MBP: variants seen among roughly 807,000 people sequenced by gnomAD.
The protein encoded by MBP is Golli-MBP.
MBP carries 16 observed loss-of-function variants against 35.8 expected under a neutral mutation model. The observed-to-expected ratio is 0.45, with a 90% CI of 0.30 to 0.68. The LOEUF (loss-of-function observed/expected upper bound fraction) is 0.68, where lower values mean the gene tolerates loss of function less well. Ranked by LOEUF, MBP falls within the 30% of genes least tolerant of loss-of-function variation. The pLI is 0.08. For missense variants in MBP, 380 were observed against 404.7 expected, an observed-to-expected ratio of 0.94 and a Z score of 0.52; for synonymous variants, 143 against 159.6, an observed-to-expected ratio of 0.90 and a Z score of 0.78.
chr18:76,997,275 A>C (rs1373164550), intron 4 of MBP, among the ~76,000 whole-genome samples: 1 of 152,236 alleles, frequency 6.6e-6, no homozygotes, highest in Non-Finnish European at 1.5e-5. Flanking sequence ...GAGGAACAAA[A>C]GCCTTCCATG....
intron 2 of MBP, among the ~76,000 whole-genome samples, chr18:77,082,245 A>C (rs1241254500): frequency 6.6e-6 from 1 of 152,200 alleles, no homozygotes; most frequent in Non-Finnish European, 1.5e-5. Context: ...ATAGTCCTAC[A>C]GTGGGATATT....
At chr18:77,043,687 G>T (rs1042634246) in intron 3 of MBP, among the ~76,000 whole-genome samples, 2 of 152,208 alleles carry the variant, frequency 1.3e-5, no homozygotes, top group African/African-American at 4.8e-5. Flanking sequence ...CTTTGAACTT[G>T]CGTGCGTGCC....
chr18:77,062,721 G>C (rs1326042669), intron 3 of MBP, among the ~76,000 whole-genome samples: 1 of 152,172 alleles, frequency 6.6e-6, no homozygotes. Flanking sequence ...TTGTGGTTTT[G>C]AGCACTCAAT....
intron 2 of MBP, chr18:77,068,980 G>C (rs1443356916): frequency 4.2e-6 from 2 of 477,176 alleles, no homozygotes; most frequent in Middle Eastern, 3.2e-4. Flanking sequence ...CCTCACCTCG[G>C]GGCCTCTGAC....
chr18:76,986,277 A>G, intron 7 of MBP: 1 of 985,562 alleles, frequency 1.0e-6, no homozygotes, highest in Non-Finnish European at 1.2e-6. Flanking sequence ...GACTTGAGGG[A>G]ACCAAACCAG....
intron 7 of MBP, chr18:76,986,228 A>C (rs1969552028): frequency 1.0e-6 from 1 of 985,346 alleles, no homozygotes; most frequent in Admixed American, 6.1e-5. Context: ...ACATTTTGCC[A>C]ACAAGAAATG....
rs938975462 is a variant in MBP, at chr18:77,049,966, C to G, written c.139+16332G>C. On this transcript the variant is annotated intron_variant, in intron 3 of 8. Coordinates refer to ENST00000355994, the MANE Select transcript of MBP (RefSeq NM_001025101.2). ...AAGTGCTAGGATTACAGGCGTGAGC[C>G]ACTGCACTCACCCCTAATGATCATT... 2.6e-5 allele frequency among the ~76,000 whole-genome samples: 4 copies of G among 152,334 alleles called. No homozygotes were observed. The East Asian group carries it at 7.7e-4, about 29-fold the overall frequency.
chr18:76,992,120 C>T lies in MBP; in HGVS notation c.577-2060G>A, dbSNP rs74423264. Among the ~76,000 whole-genome samples, 377 of 152,338 alleles carry T rather than the reference C, an allele frequency of 2.5e-3. 2 individuals carry two copies. The highest frequency in any genetic ancestry group is 8.7e-3 in the African/African-American group (363 of 41,568). The stretch of plus-strand genomic sequence containing the variant: ...CTGGCACTGGACTCTTTCCTCTGCC[C>T]TCCTTCCCTACTCGATCCTCTTCAA... On this transcript the variant is annotated intron_variant, in intron 4 of 8. Transcript: ENST00000355994.
intron 2 of MBP, among the ~76,000 whole-genome samples, chr18:77,078,849 C>A (rs912314397): frequency 6.6e-6 from 1 of 152,318 alleles, no homozygotes; most frequent in Admixed American, 6.5e-5. Flanking sequence ...TGCTCTGGTC[C>A]CTGCCTGTGA....
At chr18:77,075,146 G>A (rs1190381643) in intron 2 of MBP, among the ~76,000 whole-genome samples, 3 of 152,210 alleles carry the variant, frequency 2.0e-5, no homozygotes, top group Non-Finnish European at 2.9e-5. Context: ...TGGAATCACT[G>A]AAGTATCTAC....
chr18:77,119,600 C>A (rs1976825119), intron 1 of MBP, among the ~76,000 whole-genome samples: 1 of 151,356 alleles, frequency 6.6e-6, no homozygotes, highest in Non-Finnish European at 1.5e-5. Context: ...CCTCTTACCT[C>A]AAGCCGCGCC....
intron 4 of MBP, chr18:77,009,912 C>G: frequency 6.3e-7 from 1 of 1,588,530 alleles, no homozygotes; most frequent in Non-Finnish European, 8.6e-7. Flanking sequence ...TCCGGCCCGG[C>G]TTTAGCCAGG....
chr18:77,006,900 C>T (rs146426323), intron 4 of MBP: 88 of 152,600 alleles, frequency 5.8e-4, no homozygotes, highest in Middle Eastern at 6.6e-3. Context: ...GAGAGAGACA[C>T]GAAGAGGGAG....
rs1025334191 is a variant in MBP, at chr18:77,101,594, C to A, written c.51+3617G>T. On this transcript the variant is annotated intron_variant, in intron 2 of 8. Coordinates refer to ENST00000355994, the MANE Select transcript of MBP (RefSeq NM_001025101.2). The surrounding 1 kb of genome is among the most constrained non-coding windows in gnomAD (Gnocchi z 4.3). Reference sequence around the variant, plus strand: ...CAACTGGCCCAGGAAGGTGGCTCAACCACTTGTTACCAGGGACCTGCACCC... The same window carrying A: ...CAACTGGCCCAGGAAGGTGGCTCAAACACTTGTTACCAGGGACCTGCACCC... Among the ~76,000 whole-genome samples the A allele has an allele frequency of 6.6e-6, 1 of 152,218 alleles. No homozygotes were observed. The highest frequency in any genetic ancestry group is 2.4e-5 in the African/African-American group (1 of 41,450).
intron 1 of MBP, among the ~76,000 whole-genome samples, chr18:77,122,155 G>T (rs1176347291): frequency 6.6e-6 from 1 of 152,190 alleles, no homozygotes; most frequent in African/African-American, 2.4e-5. Flanking sequence ...TATGCAACAA[G>T]TATTAGGGAC....
intron 2 of MBP, among the ~76,000 whole-genome samples, chr18:77,097,924 C>G (rs1213998926): frequency 1.3e-5 from 2 of 151,274 alleles, no homozygotes; most frequent in Non-Finnish European, 3.0e-5. Context: ...TAAAAAAATA[C>G]AGTATTTAAA....
rs1599064240 is a variant in MBP at position 77,013,980 on chromosome 18, C to T, written c.576+2852G>A. The T allele has an allele frequency of 4.1e-6, 4 of 985,310 alleles. No individual in the cohort carries two copies. In the East Asian group the frequency reaches 4.5e-4, roughly 112 times the overall value. 61.0% of individuals were successfully genotyped at this position (985,310 alleles called of 1,614,324 possible). ...GGAGAGGTCACTTAGAGAGAAGCTG[C>T]CGGGCCAAGCACACGACAATCTTGG... On this transcript the variant is annotated intron_variant, in intron 4 of 8. Coordinates refer to ENST00000355994, the MANE Select transcript of MBP (RefSeq NM_001025101.2).
At chr18:77,090,179 T>C (rs1022582048) in intron 2 of MBP, among the ~76,000 whole-genome samples, 1 of 152,170 alleles carries the variant, frequency 6.6e-6, no homozygotes, top group Admixed American at 6.5e-5. Context: ...CTGGGGCCAG[T>C]AGTAATGTCT....
chr18:77,102,784 A>G lies in MBP; in HGVS notation c.51+2427T>C, dbSNP rs377082236. 8.2e-4 allele frequency among the ~76,000 whole-genome samples: 125 copies of G among 152,354 alleles called. 2 individuals carry two copies. The South Asian group carries it at 0.025, about 31-fold the overall frequency. ...AGTCATTCTAAGACTTAAAATACCA[A>G]CAGTGTTAACAGCCTAGAGGCCTCT... On this transcript the variant is annotated intron_variant, in intron 2 of 8. Coordinates refer to ENST00000355994, the MANE Select transcript of MBP (RefSeq NM_001025101.2). The surrounding 1 kb of genome is among the most constrained non-coding windows in gnomAD (Gnocchi z 4.4).
Sources: allele counts gnomAD v4.1 joint callset (sites outside exome capture counted in the v4.1 genomes callset), GRCh38; gene constraint gnomAD v4.1.1; non-coding constraint Gnocchi (gnomAD v3.1); transcripts MANE v1.5; gene names NCBI Gene and HGNC (gene_info 2026-07-23, HGNC 2026-07-21).